Variants in DAB1 observed in about 807,000 individuals in gnomAD.
DAB1 encodes DAB adaptor protein 1.
Under a neutral mutation model 64.6 loss-of-function variants are expected in DAB1, and 15 were observed. That is an observed-to-expected ratio of 0.23 (90% CI 0.16 to 0.36). The LOEUF (loss-of-function observed/expected upper bound fraction) is 0.36. DAB1 is among the 10% of genes least tolerant of loss of function. DAB1 has a pLI of 1.00. For missense variants in DAB1, 596 were observed against 706.7 expected (o/e 0.84, Z 1.78); for synonymous variants, 235 against 251.9 (o/e 0.93, Z 0.64).
In DAB1 at chr1:57,897,954, C is replaced by A. The variant is rs554532606; in HGVS notation, n.388-13792G>T. ...ACTGAAAGGAGCAGATGTTTCGGTCCCCATGAAGTTGACATGACAATCTGA... is the reference window on the plus strand; with the variant it reads ...ACTGAAAGGAGCAGATGTTTCGGTCACCATGAAGTTGACATGACAATCTGA... On this transcript the variant is annotated intron_variant and non_coding_transcript_variant, in intron 5 of 20. Coordinates refer to the DAB1 transcript ENST00000485760. Among the ~76,000 whole-genome samples the A allele has an allele frequency of 9.2e-5, 14 of 152,196 alleles. No homozygotes were observed. The South Asian group carries it at 2.7e-3, about 29-fold the overall frequency.
At chr1:57,127,754 T>G (rs1343566457) in intron 4 of DAB1, among the ~76,000 whole-genome samples, 1 of 152,216 alleles carries the variant, frequency 6.6e-6, no homozygotes, top group Non-Finnish European at 1.5e-5. Flanking sequence ...CAATAACATG[T>G]AATTAATAGT....
intron 5 of DAB1, among the ~76,000 whole-genome samples, chr1:57,975,735 A>T (rs78413544): frequency 0.17 from 25,144 of 152,114 alleles, 2,712 homozygotes; most frequent in East Asian, 0.48. Flanking sequence ...GTATTATAAA[A>T]CTTTCTAGAT....
At chr1:57,003,030 T>C (rs1001237944) in intron 14 of DAB1, among the ~76,000 whole-genome samples, 9 of 152,252 alleles carry the variant, frequency 5.9e-5, no homozygotes, top group Non-Finnish European at 1.2e-4. Flanking sequence ...AATAATCACC[T>C]GTGGGTTTCT....
At chr1:57,765,532 T>C (rs1326781735) in intron 6 of DAB1, among the ~76,000 whole-genome samples, 2 of 152,072 alleles carry the variant, frequency 1.3e-5, no homozygotes, top group African/African-American at 4.8e-5. Flanking sequence ...CGTGAAAGCA[T>C]ATCTAGGGGT....
chr1:57,262,887 A>G (rs888486613), intron 2 of DAB1, among the ~76,000 whole-genome samples: 16 of 152,188 alleles, frequency 1.1e-4, no homozygotes, highest in African/African-American at 2.7e-4. Context: ...CCTCTCAGGT[A>G]TCTCAGAACA....
chr1:57,647,903 A>G (rs1468601401), intron 7 of DAB1, among the ~76,000 whole-genome samples: 1 of 152,222 alleles, frequency 6.6e-6, no homozygotes, highest in East Asian at 1.9e-4. Flanking sequence ...TGTATGAGAA[A>G]GCTTTTACTC....
chr1:58,316,286 G>C (rs1278963306), intron 4 of DAB1, among the ~76,000 whole-genome samples: 1 of 152,232 alleles, frequency 6.6e-6, no homozygotes, highest in Admixed American at 6.5e-5. Flanking sequence ...AGAGCAGACT[G>C]TCTGGGTCTG....
chr1:57,367,042 A>C (rs1335634218), intron 1 of DAB1, among the ~76,000 whole-genome samples: 1 of 133,042 alleles, frequency 7.5e-6, no homozygotes, highest in African/African-American at 2.9e-5. Flanking sequence ...CCCTGTCTCC[A>C]CAAAATAAAA....
At chr1:57,322,875 G>C (rs1402743072) in intron 1 of DAB1, among the ~76,000 whole-genome samples, 1 of 152,128 alleles carries the variant, frequency 6.6e-6, no homozygotes, top group Non-Finnish European at 1.5e-5. Flanking sequence ...TCCCAACCAA[G>C]TAAATCAGAA....
At chr1:58,176,897 T>A (rs1037856082) in intron 4 of DAB1, among the ~76,000 whole-genome samples, 5 of 151,400 alleles carry the variant, frequency 3.3e-5, no homozygotes, top group African/African-American at 1.2e-4. Flanking sequence ...GAGAATGGCA[T>A]GAACCTGGGA....
At chr1:58,109,644 A>G (rs1167641297) in intron 5 of DAB1, among the ~76,000 whole-genome samples, 1 of 151,950 alleles carries the variant, frequency 6.6e-6, no homozygotes, top group African/African-American at 2.4e-5. Flanking sequence ...CATCATACTC[A>G]CGTGGGCCAA....
In DAB1 at chr1:58,048,492, CA is replaced by C; in HGVS notation, n.387+102018del. ...TTTCCATAACCCTGTCCACCACTTCCATAGCCTCTGCTTCCTCCAGAGTAAC... is the reference window on the plus strand; with the variant it reads ...TTTCCATAACCCTGTCCACCACTTCCTAGCCTCTGCTTCCTCCAGAGTAAC... On this transcript the variant is annotated intron_variant and non_coding_transcript_variant, in intron 5 of 20. Coordinates refer to the DAB1 transcript ENST00000485760. 7 of 1,308,212 alleles carry C rather than the reference CA, an allele frequency of 5.4e-6. 1 individual carries two copies. The South Asian group carries it at 8.3e-5, about 16-fold the overall frequency. The allele number at this position is 1,308,212 out of a possible 1,614,324, so 81.0% of individuals were successfully genotyped here.
At chr1:57,822,637 C>T (rs1272783288), downstream of DAB1, among the ~76,000 whole-genome samples, 2 of 152,096 alleles carry the variant, frequency 1.3e-5, no homozygotes, top group Non-Finnish European at 2.9e-5. Flanking sequence ...TTTAATATTG[C>T]CCTGTTCTGA....
intron 3 of DAB1, among the ~76,000 whole-genome samples, chr1:58,366,509 C>T (rs887605163): frequency 6.6e-6 from 1 of 152,198 alleles, no homozygotes; most frequent in Non-Finnish European, 1.5e-5. Flanking sequence ...GCATCAAAGA[C>T]TTTGATATGG....
chr1:57,994,967 A>T lies in DAB1; in HGVS notation n.388-110805T>A, dbSNP rs573973950. ...TTGGCACCTGGAGAGAGGATGTCAG[A>T]ATTACCGGAGCAGAGCAGTGTGGTA... On this transcript the variant is annotated intron_variant and non_coding_transcript_variant, in intron 5 of 20. Coordinates refer to the DAB1 transcript ENST00000485760. Among the ~76,000 whole-genome samples the T allele has an allele frequency of 2.6e-5, 4 of 152,288 alleles. No individual in the cohort carries two copies. In the South Asian group the frequency reaches 8.3e-4, roughly 32 times the overall value.
At chr1:57,072,482 A>G in intron 4 of DAB1, 68 bp from the exon 5 acceptor site, 1 of 1,568,768 alleles carries the variant, frequency 6.4e-7, no homozygotes, top group Non-Finnish European at 8.7e-7. Context: ...ATCAATAAGA[A>G]ATGTGTTTCA....
At chr1:58,277,479 C>T (rs937051069) in intron 4 of DAB1, among the ~76,000 whole-genome samples, 3 of 152,190 alleles carry the variant, frequency 2.0e-5, no homozygotes, top group African/African-American at 7.2e-5. Flanking sequence ...CAAAGCATTT[C>T]TGCACTGGGA....
At chr1:58,539,781 T>C (rs1355240208) in intron 1 of DAB1, among the ~76,000 whole-genome samples, 3 of 152,152 alleles carry the variant, frequency 2.0e-5, no homozygotes, top group African/African-American at 7.2e-5. Flanking sequence ...TCCTAGCTTA[T>C]TGCCTGGAGA....
At chr1:57,115,755 A>G (rs1308565016) in intron 4 of DAB1, among the ~76,000 whole-genome samples, 12 of 152,118 alleles carry the variant, frequency 7.9e-5, no homozygotes. Context: ...CAGGCTTCTT[A>G]AAGGTGAAAA....
Sources: gnomAD v4.1 joint callset for allele counts (sites outside exome capture counted in the v4.1 genomes callset) on GRCh38, gnomAD v4.1.1 for gene constraint, MANE v1.5 for transcripts, NCBI Gene and HGNC (gene_info 2026-07-23, HGNC 2026-07-21) for gene names.